CDK6: variants seen among roughly 807,000 people sequenced by gnomAD.
The protein encoded by CDK6 is cyclin-dependent kinase 6.
CDK6 carries 6 observed loss-of-function variants against 37.1 expected under a neutral mutation model. That is an observed-to-expected ratio of 0.16 (90% CI 0.09 to 0.32). The LOEUF (loss-of-function observed/expected upper bound fraction) is 0.32, where lower values mean the gene tolerates loss of function less well. CDK6 is among the 10% of genes least tolerant of loss of function. The pLI, the probability that CDK6 is intolerant of heterozygous loss-of-function variation, is 1.00. For synonymous variants in CDK6, 160 were observed against 161.3 expected (o/e 0.99, Z 0.06); for missense variants, 224 against 418.9 (o/e 0.53, Z 4.06).
intron 5 of CDK6, among the ~76,000 whole-genome samples, chr7:92,656,522 C>T (rs1460384171): frequency 6.6e-6 from 1 of 152,172 alleles, no homozygotes; most frequent in Non-Finnish European, 1.5e-5. Flanking sequence ...AAAATCTCAG[C>T]AATCTACATT....
At chr7:92,671,191 G>T (rs892516770) in intron 5 of CDK6, 2 of 343,152 alleles carry the variant, frequency 5.8e-6, no homozygotes, top group Non-Finnish European at 1.0e-5. Flanking sequence ...TATAAGAACA[G>T]TGGGGTATTC....
intron 2 of CDK6, among the ~76,000 whole-genome samples, chr7:92,817,059 C>T (rs1801048755): frequency 6.6e-6 from 1 of 151,938 alleles, no homozygotes. Context: ...TAATAACCTA[C>T]TCAAAAATAA....
intron 2 of CDK6, among the ~76,000 whole-genome samples, chr7:92,786,719 TG>T (rs1054246773): frequency 2.7e-5 from 4 of 149,240 alleles, no homozygotes; most frequent in African/African-American, 9.8e-5. Flanking sequence ...ACATTATATA[TG>T]ATATATAATG....
At chr7:92,624,895 G>A (rs779361734) in intron 5 of CDK6, among the ~76,000 whole-genome samples, 2 of 152,044 alleles carry the variant, frequency 1.3e-5, no homozygotes, top group Admixed American at 6.6e-5. Context: ...ACTGAGTACT[G>A]GAGATGTTAC....
intron 5 of CDK6, among the ~76,000 whole-genome samples, chr7:92,653,496 T>C (rs992529502): frequency 1.3e-5 from 2 of 152,208 alleles, no homozygotes; most frequent in Admixed American, 6.5e-5. Context: ...GTTAGAGAAA[T>C]GGAGCTGCAG....
In CDK6 at chr7:92,833,496, G is replaced by T; in HGVS notation, c.-173C>A. The T allele has an allele frequency of 1.8e-6, 1 of 568,276 alleles. No homozygotes were observed. Among genetic ancestry groups the T allele is most frequent in the East Asian group, 3.1e-5 (1 of 31,828 alleles). The allele number at this position is 568,276 out of a possible 1,614,324, so 35.2% of individuals were successfully genotyped here. ...GGGGCTTTCGCCGCTGCAGAAGCTG[G>T]ATGGAGAGACCTCCCCGCGGGGCTG... On this transcript the variant is annotated 5_prime_UTR_variant, in exon 2 of 8. Transcript: ENST00000424848. This position sits in a 1 kb window ranked among gnomAD's most constrained non-coding sequence, Gnocchi z 6.1.
intron 5 of CDK6, among the ~76,000 whole-genome samples, chr7:92,627,870 G>A (rs1795964005): frequency 6.6e-6 from 1 of 151,820 alleles, no homozygotes; most frequent in South Asian, 2.1e-4. Context: ...TACGGATTCA[G>A]GAGGAGGGTA....
At chr7:92,672,548 G>A (rs1797115213) in intron 4 of CDK6, among the ~76,000 whole-genome samples, 2 of 151,210 alleles carry the variant, frequency 1.3e-5, no homozygotes, top group Admixed American at 1.3e-4. Context: ...TTTCCTGCCA[G>A]GTTGAGGGCT....
intron 4 of CDK6, among the ~76,000 whole-genome samples, chr7:92,674,688 T>C (rs2116611463): frequency 6.6e-6 from 1 of 152,356 alleles, no homozygotes; most frequent in Non-Finnish European, 1.5e-5. Context: ...AAGGTTCCAC[T>C]TGAGTGGTTG....
chr7:92,701,400 G>A (rs1386175813), intron 4 of CDK6, among the ~76,000 whole-genome samples: 1 of 151,838 alleles, frequency 6.6e-6, no homozygotes, highest in Non-Finnish European at 1.5e-5. Context: ...GAAGTCTAAA[G>A]CTTACACACT....
At chr7:92,703,010 C>T (rs1562940700) in intron 4 of CDK6, among the ~76,000 whole-genome samples, 1 of 152,180 alleles carries the variant, frequency 6.6e-6, no homozygotes, top group South Asian at 2.1e-4. Flanking sequence ...CTCCAGGCAT[C>T]GATGAGTGTC....
At chr7:92,709,248 T>C (rs1206029599) in intron 4 of CDK6, among the ~76,000 whole-genome samples, 1 of 152,024 alleles carries the variant, frequency 6.6e-6, no homozygotes, top group Non-Finnish European at 1.5e-5. Flanking sequence ...TTTTTTAGGG[T>C]AAAAAAGGTT....
At chr7:92,712,671 G>A (rs1032046004) in intron 4 of CDK6, among the ~76,000 whole-genome samples, 2 of 152,110 alleles carry the variant, frequency 1.3e-5, no homozygotes, top group Non-Finnish European at 2.9e-5. Flanking sequence ...AAATTGCTGA[G>A]GTCACTCTTG....
At chr7:92,632,092 A>T (rs1796065692) in intron 5 of CDK6, among the ~76,000 whole-genome samples, 1 of 152,000 alleles carries the variant, frequency 6.6e-6, no homozygotes, top group Non-Finnish European at 1.5e-5. Flanking sequence ...TGCCAAAGGG[A>T]GTCTTATGGG....
intron 4 of CDK6, among the ~76,000 whole-genome samples, chr7:92,722,354 T>C (rs1798388162): frequency 6.6e-6 from 1 of 152,210 alleles, no homozygotes; most frequent in Admixed American, 6.5e-5. Flanking sequence ...TTCCTCTATC[T>C]CTACAGCTTT....
At chr7:92,795,920 G>A (rs1562967481) in intron 2 of CDK6, among the ~76,000 whole-genome samples, 2 of 151,986 alleles carry the variant, frequency 1.3e-5, no homozygotes, top group African/African-American at 4.8e-5. Flanking sequence ...GTTACTAGGA[G>A]GTCATTCTAC....
intron 2 of CDK6, among the ~76,000 whole-genome samples, chr7:92,826,341 G>A (rs549217030): frequency 8.3e-4 from 126 of 152,166 alleles, no homozygotes; most frequent in African/African-American, 2.9e-3. Flanking sequence ...CCATAAAGGA[G>A]GTCCAAAGTT....
chr7:92,763,517 T>C (rs1799507609), intron 3 of CDK6, among the ~76,000 whole-genome samples: 1 of 152,224 alleles, frequency 6.6e-6, no homozygotes, highest in Admixed American at 6.5e-5. Context: ...AATTTTTAGT[T>C]GGAATTCTCC....
intron 5 of CDK6, among the ~76,000 whole-genome samples, chr7:92,630,104 A>G (rs888662062): frequency 1.3e-4 from 20 of 152,230 alleles, no homozygotes; most frequent in Admixed American, 1.3e-3. Context: ...TCAGTCAGTA[A>G]CACGTCCTTC....
Sources: allele counts gnomAD v4.1 joint callset (sites outside exome capture counted in the v4.1 genomes callset), GRCh38; gene constraint gnomAD v4.1.1; non-coding constraint Gnocchi (gnomAD v3.1); transcripts MANE v1.5; gene names NCBI Gene and HGNC (gene_info 2026-07-23, HGNC 2026-07-21).